ZSWIM6: variants seen among roughly 807,000 people sequenced by gnomAD.
ZSWIM6 encodes the protein zinc finger SWIM-type containing 6.
Under a neutral mutation model 113.2 loss-of-function variants are expected in ZSWIM6, and 9 were observed. The ratio of observed to expected loss-of-function variants is 0.08; its 90% confidence interval spans 0.05 to 0.14. The LOEUF is 0.14. ZSWIM6 is among the 10% of genes least tolerant of loss of function. The pLI, the probability that ZSWIM6 is intolerant of heterozygous loss-of-function variation, is 1.00. For synonymous variants in ZSWIM6, 611 were observed against 606.5 expected, an observed-to-expected ratio of 1.01 and a Z score of -0.11; for missense variants, 1,162 against 1,552.2, an observed-to-expected ratio of 0.75 and a Z score of 4.22.
At chr5:61,356,818 TA>T (rs1031947990) in intron 1 of ZSWIM6, among the ~76,000 whole-genome samples, 55 of 142,876 alleles carry the variant, frequency 3.8e-4, no homozygotes, top group South Asian at 8.5e-4. Context: ...AATTGATAAA[TA>T]AAAAATATAT....
In ZSWIM6 at chr5:61,543,470, A is replaced by G. The variant is rs1388731395; in HGVS notation, c.2801A>G (p.Asp934Gly). ...CATEVGVYAL[D>G]SIMQTWFTLF... The stretch of plus-strand genomic sequence containing the variant: ...TTCCTTGCAGGGGTTTATGCCCTGG[A>G]CAGCATCATGCAGACCTGGTTTACA... Residue 934 changes from aspartate (D) to glycine (G), a missense_variant, in exon 14 of 14, where the codon GAC (aspartate) becomes GGC (glycine). Asp to Gly is a moderately conservative substitution (Grantham distance 94, BLOSUM62 -1). This residue lies in a region of ZSWIM6 where 620 missense variants were observed against 804.6 expected (regional missense o/e 0.77). Coordinates refer to ENST00000252744, the MANE Select transcript of ZSWIM6 (RefSeq NM_020928.2). The surrounding 1 kb of genome is among the most constrained non-coding windows in gnomAD (Gnocchi z 4.3). The G allele has an allele frequency of 6.4e-7, 1 of 1,550,556 alleles. No individual in the cohort carries two copies. Among genetic ancestry groups the G allele is most frequent in the Non-Finnish European group, 8.7e-7 (1 of 1,146,730 alleles).
At chr5:61,347,015 A>G (rs1038408738) in intron 1 of ZSWIM6, 1 of 152,278 alleles carries the variant, frequency 6.6e-6, no homozygotes, top group African/African-American at 2.4e-5. Flanking sequence ...TGTAGTTTAT[A>G]TTTTAGATGT....
chr5:61,426,703 T>C (rs1436431535), intron 1 of ZSWIM6, among the ~76,000 whole-genome samples: 2 of 152,178 alleles, frequency 1.3e-5, no homozygotes, highest in East Asian at 3.8e-4. Context: ...CGGAGTACTT[T>C]GCAGACTTTC....
rs1262648087 is a variant in ZSWIM6, at chr5:61,544,390, A to G, written c.*73A>G. 3 of 1,032,930 alleles carry G rather than the reference A, an allele frequency of 2.9e-6. No homozygotes were observed. Among genetic ancestry groups the G allele is most frequent in the Non-Finnish European group, 2.8e-6 (2 of 709,462 alleles). 64.0% of individuals were successfully genotyped at this position (1,032,930 alleles called of 1,614,324 possible). On this transcript the variant is annotated 3_prime_UTR_variant, in exon 14 of 14. Coordinates refer to ENST00000252744, the MANE Select transcript of ZSWIM6 (RefSeq NM_020928.2). Reference sequence around the variant, plus strand: ...TGTTTTTACTTGAGCCTGCCTTTGTACCCTTTTTAACTTAAAGAACAGAGC... The same window carrying G: ...TGTTTTTACTTGAGCCTGCCTTTGTGCCCTTTTTAACTTAAAGAACAGAGC...
chr5:61,537,952 G>C (rs1385111990), intron 10 of ZSWIM6, among the ~76,000 whole-genome samples: 1 of 151,954 alleles, frequency 6.6e-6, no homozygotes, highest in Non-Finnish European at 1.5e-5. Context: ...TTTTTTATTT[G>C]TTTTGAGACA....
intron 3 of ZSWIM6, among the ~76,000 whole-genome samples, chr5:61,491,747 A>G (rs1748183086): frequency 6.6e-6 from 1 of 152,080 alleles, no homozygotes. Flanking sequence ...TTGGTTTTAA[A>G]GGAACAGATA....
chr5:61,484,371 G>A (rs1329181674), intron 2 of ZSWIM6, among the ~76,000 whole-genome samples: 1 of 152,166 alleles, frequency 6.6e-6, no homozygotes, highest in African/African-American at 2.4e-5. Context: ...ATGGAAGACT[G>A]TATTATTTAG....
intron 4 of ZSWIM6, among the ~76,000 whole-genome samples, chr5:61,506,845 C>T (rs948764072): frequency 2.0e-5 from 3 of 151,858 alleles, no homozygotes; most frequent in Non-Finnish European, 2.9e-5. Context: ...CCTCTGAGAA[C>T]AAAAATAAAT....
chr5:61,387,962 A>AT (rs1481016329), intron 1 of ZSWIM6, among the ~76,000 whole-genome samples: 2 of 139,078 alleles, frequency 1.4e-5, no homozygotes, highest in Non-Finnish European at 3.0e-5. Context: ...CAGAAGTGAT[A>AT]TTTTACCCTT....
intron 1 of ZSWIM6, among the ~76,000 whole-genome samples, chr5:61,393,764 C>A (rs1380331970): frequency 6.6e-6 from 1 of 151,414 alleles, no homozygotes; most frequent in Non-Finnish European, 1.5e-5. Context: ...TACTTTTAGA[C>A]GGAATGTACT....
intron 1 of ZSWIM6, among the ~76,000 whole-genome samples, chr5:61,377,389 C>G (rs1272835550): frequency 6.6e-6 from 1 of 151,134 alleles, no homozygotes; most frequent in East Asian, 1.9e-4. Context: ...ACATAAAACC[C>G]TGAAACAATA....
intron 4 of ZSWIM6, among the ~76,000 whole-genome samples, chr5:61,500,654 T>C (rs945232922): frequency 6.6e-6 from 1 of 152,126 alleles, no homozygotes; most frequent in East Asian, 1.9e-4. Flanking sequence ...AACTTCAGGT[T>C]CTTTGAGAAA....
chr5:61,397,393 G>C (rs923439319), intron 1 of ZSWIM6, among the ~76,000 whole-genome samples: 1 of 152,144 alleles, frequency 6.6e-6, no homozygotes, highest in Non-Finnish European at 1.5e-5. Context: ...GTGCCCCCAG[G>C]GGGTGGCAAT....
At chr5:61,401,775 T>C (rs1270941610) in intron 1 of ZSWIM6, among the ~76,000 whole-genome samples, 1 of 152,222 alleles carries the variant, frequency 6.6e-6, no homozygotes, top group African/African-American at 2.4e-5. Context: ...CATCAACCTA[T>C]ATGACCTTTT....
intron 1 of ZSWIM6, among the ~76,000 whole-genome samples, chr5:61,442,171 T>G (rs1291920883): frequency 6.6e-6 from 1 of 152,102 alleles, no homozygotes; most frequent in Non-Finnish European, 1.5e-5. Flanking sequence ...TTCAGTTCCT[T>G]GAGACTGTTT....
intron 1 of ZSWIM6, among the ~76,000 whole-genome samples, chr5:61,333,216 G>A (rs1744305896): frequency 6.6e-6 from 1 of 151,912 alleles, no homozygotes; most frequent in Non-Finnish European, 1.5e-5. Context: ...CCCGGCCCGC[G>A]CTCCCCTACC....
At chr5:61,487,147 G>C (rs762094312) in intron 2 of ZSWIM6, among the ~76,000 whole-genome samples, 1 of 152,008 alleles carries the variant, frequency 6.6e-6, no homozygotes, top group Non-Finnish European at 1.5e-5. Context: ...ATTGAAAAGG[G>C]CATCCTTTCC....
rs1491346128 is a variant in ZSWIM6 at position 61,402,531 on chromosome 5, TTC to T, written c.676+69584_676+69585del. On this transcript the variant is annotated intron_variant, in intron 1 of 13. Transcript: ENST00000252744. ...CCAGAGATTCTAGTTTGTTTTTTTT[TTC>T]CCCCCAGGAAGAAAAACAGGAAGTA... Among the ~76,000 whole-genome samples the T allele has an allele frequency of 2.7e-3, 410 of 151,106 alleles. 3 individuals are homozygous for T. Among genetic ancestry groups the T allele is most frequent in the African/African-American group, 9.7e-3 (392 of 40,462 alleles).
At chr5:61,422,982 G>A (rs1205519147) in intron 1 of ZSWIM6, among the ~76,000 whole-genome samples, 1 of 152,084 alleles carries the variant, frequency 6.6e-6, no homozygotes, top group Non-Finnish European at 1.5e-5. Flanking sequence ...CCAAATATAA[G>A]GTAATTTGGA....
Sources: gnomAD v4.1 joint callset for allele counts (sites outside exome capture counted in the v4.1 genomes callset) on GRCh38, gnomAD v4.1.1 for gene constraint, gnomAD v4.1.1 regional missense constraint, Gnocchi (gnomAD v3.1) non-coding constraint, MANE v1.5 for transcripts, NCBI Gene and HGNC (gene_info 2026-07-23, HGNC 2026-07-21) for gene names.